TFCP2: variants seen among roughly 807,000 people sequenced by gnomAD.
The protein encoded by TFCP2 is transcription factor CP2.
A neutral mutation model predicts 73.4 loss-of-function variants in TFCP2; 33 were observed. The observed-to-expected ratio is 0.45, with a 90% confidence interval of 0.34 to 0.60. TFCP2 has a LOEUF of 0.60. TFCP2 is among the 20% of genes least tolerant of loss of function. TFCP2 has a pLI of 0.01. For missense variants in TFCP2, 352 were observed against 604.0 expected (o/e 0.58, Z 4.37); for synonymous variants, 193 against 211.6 (o/e 0.91, Z 0.76).
intron 1 of TFCP2, among the ~76,000 whole-genome samples, chr12:51,148,346 G>A (rs1186461830): frequency 6.6e-6 from 1 of 152,228 alleles, no homozygotes; most frequent in African/African-American, 2.4e-5. Flanking sequence ...CATGTTTATA[G>A]CAGGACAATT....
chr12:51,129,242 G>C (rs1054330555), intron 1 of TFCP2, among the ~76,000 whole-genome samples: 1 of 151,976 alleles, frequency 6.6e-6, no homozygotes, highest in Non-Finnish European at 1.5e-5. Flanking sequence ...GGCCAGGCAC[G>C]GTAGCTCATG....
intron 1 of TFCP2, among the ~76,000 whole-genome samples, chr12:51,127,453 T>C (rs576916546): frequency 6.6e-6 from 1 of 152,218 alleles, no homozygotes; most frequent in South Asian, 2.1e-4. Flanking sequence ...ATACACAATA[T>C]ACATATAAAG....
chr12:51,131,676 A>T (rs967706035), intron 1 of TFCP2, among the ~76,000 whole-genome samples: 6 of 152,122 alleles, frequency 3.9e-5, no homozygotes, highest in South Asian at 4.1e-4. Context: ...TTTAAAAATA[A>T]TTTTTTTCAC....
chr12:51,142,203 CAAAAAAAAAAAAA>C (rs3053458), intron 1 of TFCP2, among the ~76,000 whole-genome samples: 958 of 52,830 alleles, frequency 0.018, 33 homozygotes, highest in African/African-American at 0.076. Context: ...GACTCTGTCG[CAAAAAAAAAAAAA>C]AAAAAAAAAA....
chr12:51,098,686 C>A, intron 13 of TFCP2, 90 bp downstream of exon 13: 1 of 1,435,808 alleles, frequency 7.0e-7, no homozygotes, highest in Non-Finnish European at 9.5e-7. Context: ...ATCTAGAAAA[C>A]AGAACACTCT....
At chr12:51,167,685 TGCCTG>T (rs1469673998) in intron 1 of TFCP2, among the ~76,000 whole-genome samples, 4 of 152,148 alleles carry the variant, frequency 2.6e-5, no homozygotes, top group Non-Finnish European at 5.9e-5. Context: ...TGCACCACCA[TGCCTG>T]GCCTGATTGA....
At chr12:51,113,205 C>T (rs1940443655) in intron 4 of TFCP2, among the ~76,000 whole-genome samples, 5 of 152,186 alleles carry the variant, frequency 3.3e-5, no homozygotes, top group Admixed American at 3.3e-4. Flanking sequence ...ACTTATCATA[C>T]AGATATCAGG....
At position 51,118,634 on chromosome 12, in the gene TFCP2, C is replaced by G; in HGVS notation, c.261G>C (p.Thr87=). ...GAAGCATCTAACCTTGATTGAGATA[C>G]GTTAGGGTTTCATCATGGAGTTTCA... The part of the protein sequence containing the change: ...PAVKLHDETL[T]YLNQGQSYEI... The change falls in exon 2 of 15, where the codon ACG becomes ACC. Residue 87 remains threonine, a synonymous_variant. Coordinates refer to ENST00000257915, the MANE Select transcript of TFCP2 (RefSeq NM_005653.5). The G allele has an allele frequency of 6.2e-7, 1 of 1,613,972 alleles. No individual in the cohort carries two copies. Among genetic ancestry groups the G allele is most frequent in the East Asian group, 2.2e-5 (1 of 44,868 alleles).
intron 1 of TFCP2, among the ~76,000 whole-genome samples, chr12:51,123,417 C>G (rs1432058101): frequency 6.6e-6 from 1 of 152,250 alleles, no homozygotes; most frequent in East Asian, 1.9e-4. Context: ...AAAACAAAAA[C>G]AAGTGCATCC....
intron 1 of TFCP2, among the ~76,000 whole-genome samples, chr12:51,153,907 G>C (rs866829432): frequency 6.6e-6 from 1 of 152,184 alleles, no homozygotes; most frequent in Non-Finnish European, 1.5e-5. Flanking sequence ...AAGTGAAACA[G>C]TTGTATCATA....
At chr12:51,101,834 T>G in intron 11 of TFCP2, 101 bp downstream of exon 11, 1 of 661,518 alleles carries the variant, frequency 1.5e-6, no homozygotes, top group Non-Finnish European at 2.6e-6. Context: ...ACAAATGTTT[T>G]GAGAAGGTGT....
intron 1 of TFCP2, among the ~76,000 whole-genome samples, chr12:51,135,602 G>A (rs1941045260): frequency 6.6e-6 from 1 of 152,144 alleles, no homozygotes; most frequent in Admixed American, 6.6e-5. Flanking sequence ...CTTAGCAGCT[G>A]AACATCAGAA....
intron 1 of TFCP2, among the ~76,000 whole-genome samples, chr12:51,141,975 C>T (rs1225435032): frequency 2.0e-5 from 3 of 149,514 alleles, no homozygotes; most frequent in Admixed American, 6.7e-5. Context: ...GAGGCCGAGG[C>T]GGGTGGATCA....
At chr12:51,114,474 G>A (rs1428832397) in intron 4 of TFCP2, among the ~76,000 whole-genome samples, 10 of 151,774 alleles carry the variant, frequency 6.6e-5, no homozygotes, top group South Asian at 2.1e-4. Flanking sequence ...GTGTGGTGGC[G>A]GGCACCTGTA....
At chr12:51,163,170 C>T (rs1419762230) in intron 1 of TFCP2, among the ~76,000 whole-genome samples, 1 of 152,090 alleles carries the variant, frequency 6.6e-6, no homozygotes, top group Admixed American at 6.6e-5. Flanking sequence ...CATGGTGGCA[C>T]GAGCCTATGG....
intron 1 of TFCP2, among the ~76,000 whole-genome samples, chr12:51,163,875 G>A (rs779378623): frequency 5.3e-5 from 8 of 151,962 alleles, no homozygotes; most frequent in African/African-American, 9.7e-5. Flanking sequence ...CAAAGGGAGG[G>A]AATAACAATG....
At position 51,104,140 on chromosome 12, in the gene TFCP2, C is replaced by T; in HGVS notation, c.966+15G>A. 6.2e-7 allele frequency: 1 copy of T among 1,613,822 alleles called. No individual in the cohort carries two copies. Among genetic ancestry groups the T allele is most frequent in the Non-Finnish European group, 8.5e-7 (1 of 1,179,736 alleles). ...CCAGACATTGCAAGTAACTGACATT[C>T]AACTTTAGACTTACATCTGTGACTG... On this transcript the variant is annotated intron_variant, in intron 9 of 14. Transcript: ENST00000257915.
At chr12:51,106,296 A>G (rs532288587) in intron 8 of TFCP2, among the ~76,000 whole-genome samples, 7 of 152,218 alleles carry the variant, frequency 4.6e-5, no homozygotes, top group Admixed American at 3.9e-4. Context: ...TAGTGGGGGG[A>G]AAAAAGACGA....
intron 1 of TFCP2, among the ~76,000 whole-genome samples, chr12:51,123,571 TTATG>T (rs1294208919): frequency 2.6e-5 from 4 of 152,230 alleles, no homozygotes; most frequent in Non-Finnish European, 5.9e-5. Context: ...TCTGATTGCT[TTATG>T]TATTTAATTC....
Sources: allele counts gnomAD v4.1 joint callset (sites outside exome capture counted in the v4.1 genomes callset), GRCh38; gene constraint gnomAD v4.1.1; transcripts MANE v1.5; gene names NCBI Gene and HGNC (gene_info 2026-07-23, HGNC 2026-07-21).